GRM8: variants seen among roughly 807,000 people sequenced by gnomAD.
The protein encoded by GRM8 is metabotropic glutamate receptor 8.
GRM8 carries 47 observed loss-of-function variants against 87.2 expected under a neutral mutation model. That is an observed-to-expected ratio of 0.54 (90% CI 0.43 to 0.69). The LOEUF is 0.69. GRM8 is among the 30% of genes least tolerant of loss of function. GRM8 has a pLI of 0.00. For missense variants in GRM8, 1,019 were observed against 1,139.2 expected, an observed-to-expected ratio of 0.89 and a Z score of 1.52; for synonymous variants, 396 against 404.5, an observed-to-expected ratio of 0.98 and a Z score of 0.25.
intron 7 of GRM8, among the ~76,000 whole-genome samples, chr7:126,693,270 A>G (rs536622297): frequency 3.6e-4 from 55 of 152,294 alleles, no homozygotes; most frequent in African/African-American, 1.1e-3. Context: ...TTTCCAACCA[A>G]ATTTCTTTTA....
At chr7:126,849,285 T>C (rs777007221) in intron 6 of GRM8, among the ~76,000 whole-genome samples, 12 of 150,326 alleles carry the variant, frequency 8.0e-5, no homozygotes, top group Non-Finnish European at 1.6e-4. Context: ...AGAAAGCATA[T>C]AGGGAATACT....
intron 3 of GRM8, among the ~76,000 whole-genome samples, chr7:127,089,768 C>A (rs1362092034): frequency 6.6e-6 from 1 of 152,162 alleles, no homozygotes; most frequent in Non-Finnish European, 1.5e-5. Flanking sequence ...GAATAGAGCT[C>A]ATCTAACACT....
chr7:126,598,199 T>C (rs1391172426), intron 8 of GRM8, among the ~76,000 whole-genome samples: 2 of 138,312 alleles, frequency 1.4e-5, no homozygotes, highest in Non-Finnish European at 3.1e-5. Flanking sequence ...TTTAAATAAC[T>C]AATTAAATTC....
chr7:126,746,001 G>T (rs773764628), intron 7 of GRM8, among the ~76,000 whole-genome samples: 8 of 151,362 alleles, frequency 5.3e-5, no homozygotes, highest in Non-Finnish European at 1.0e-4. Context: ...ATATTTATTT[G>T]CCCTAAAGAA....
chr7:126,592,756 G>A lies in GRM8; in HGVS notation c.1494+16606C>T, dbSNP rs375571984. On this transcript the variant is annotated intron_variant, in intron 8 of 10. Transcript: ENST00000339582. ...CTAAGATCTAGAAGAAGACAAGAGT[G>A]GCCACTCTTGCCACTTCTTCTATTC... 2.2e-4 allele frequency among the ~76,000 whole-genome samples: 33 copies of A among 151,888 alleles called. 1 individual carries two copies. The Middle Eastern group carries it at 0.01, about 47-fold the overall frequency.
intron 2 of GRM8, among the ~76,000 whole-genome samples, chr7:127,178,586 T>C (rs1008174477): frequency 6.6e-6 from 1 of 152,104 alleles, no homozygotes; most frequent in African/African-American, 2.4e-5. Flanking sequence ...GAAAGAAACT[T>C]AAGAGCTGTG....
intron 3 of GRM8, among the ~76,000 whole-genome samples, chr7:126,943,371 C>T (rs2131551246): frequency 6.6e-6 from 1 of 152,300 alleles, no homozygotes; most frequent in Middle Eastern, 3.4e-3. Flanking sequence ...GAGCCCTGAT[C>T]TTGTGGGCAC....
At chr7:126,987,395 G>T (rs773261866) in intron 3 of GRM8, among the ~76,000 whole-genome samples, 3 of 151,232 alleles carry the variant, frequency 2.0e-5, no homozygotes, top group African/African-American at 7.3e-5. Flanking sequence ...CACAATATTT[G>T]TATATTAAGT....
chr7:127,216,452 A>C (rs1015679162), intron 2 of GRM8, among the ~76,000 whole-genome samples: 2 of 135,098 alleles, frequency 1.5e-5, no homozygotes, highest in Non-Finnish European at 3.1e-5. Context: ...CAGCAGGCGG[A>C]GGTTGCAGTG....
intron 3 of GRM8, among the ~76,000 whole-genome samples, chr7:126,968,476 T>C (rs1315223154): frequency 6.6e-6 from 1 of 152,186 alleles, no homozygotes; most frequent in Non-Finnish European, 1.5e-5. Flanking sequence ...AAAGTTACCC[T>C]AATTAACAAG....
At chr7:127,060,036 A>G (rs995855247) in intron 3 of GRM8, among the ~76,000 whole-genome samples, 1 of 152,210 alleles carries the variant, frequency 6.6e-6, no homozygotes, top group African/African-American at 2.4e-5. Context: ...ACTGGTAGAC[A>G]TTTTCTACAG....
At chr7:126,531,660 T>C (rs1814841358) in intron 9 of GRM8, among the ~76,000 whole-genome samples, 1 of 152,240 alleles carries the variant, frequency 6.6e-6, no homozygotes, top group Admixed American at 6.5e-5. Flanking sequence ...TGTAAAATTT[T>C]CCTTCAAAAA....
At chr7:126,831,508 TG>T (rs1276180771) in intron 6 of GRM8, among the ~76,000 whole-genome samples, 1 of 152,236 alleles carries the variant, frequency 6.6e-6, no homozygotes, top group Admixed American at 6.5e-5. Flanking sequence ...CTGAGCCATG[TG>T]TGGGATATAA....
At chr7:126,657,974 G>A (rs573416462) in intron 7 of GRM8, among the ~76,000 whole-genome samples, 10 of 152,338 alleles carry the variant, frequency 6.6e-5, no homozygotes, top group African/African-American at 2.2e-4. Context: ...AGATGCTAAC[G>A]GTTATATTAA....
chr7:126,659,220 A>G (rs1404467269), intron 7 of GRM8, among the ~76,000 whole-genome samples: 1 of 151,758 alleles, frequency 6.6e-6, no homozygotes, highest in Non-Finnish European at 1.5e-5. Flanking sequence ...TTTTCCCACC[A>G]CCCTGACCGA....
At chr7:126,854,429 C>T (rs1329184211) in intron 6 of GRM8, among the ~76,000 whole-genome samples, 2 of 152,126 alleles carry the variant, frequency 1.3e-5, no homozygotes, top group East Asian at 3.9e-4. Flanking sequence ...TTTTAGTATG[C>T]ATCAGAATCA....
chr7:127,213,112 G>A (rs892471349), intron 2 of GRM8, among the ~76,000 whole-genome samples: 15 of 152,118 alleles, frequency 9.9e-5, no homozygotes, highest in African/African-American at 2.7e-4. Context: ...CTGTCTCTAC[G>A]GTGATACACT....
intron 10 of GRM8, among the ~76,000 whole-genome samples, chr7:126,443,021 C>T (rs768448393): frequency 2.6e-5 from 4 of 152,024 alleles, no homozygotes; most frequent in East Asian, 3.9e-4. Context: ...ATGTTTTTCA[C>T]GGTGCTGATG....
chr7:127,162,999 A>T (rs1166315731), intron 2 of GRM8, among the ~76,000 whole-genome samples: 2 of 152,190 alleles, frequency 1.3e-5, no homozygotes, highest in African/African-American at 4.8e-5. Context: ...GGGCCCAAAG[A>T]AATAGATCCG....
Sources: gnomAD v4.1 joint callset for allele counts (sites outside exome capture counted in the v4.1 genomes callset) on GRCh38, gnomAD v4.1.1 for gene constraint, MANE v1.5 for transcripts, NCBI Gene and HGNC (gene_info 2026-07-23, HGNC 2026-07-21) for gene names.